The following RBFOX1 variants were observed in gnomAD, a reference collection of about 807,000 sequenced individuals.
The protein encoded by RBFOX1 is RNA binding protein fox-1 homolog 1.
In RBFOX1, 8 loss-of-function variants were observed where a neutral mutation model predicts 57.7. That is an observed-to-expected ratio of 0.14 (90% CI 0.08 to 0.25). The LOEUF is 0.25. Among genes scored for constraint, RBFOX1 ranks in the 10% least tolerant of loss-of-function variants. The pLI is 1.00. For synonymous variants in RBFOX1, 326 were observed against 222.4 expected, an observed-to-expected ratio of 1.47 and a Z score of -4.15; for missense variants, 611 against 548.5, an observed-to-expected ratio of 1.11 and a Z score of -1.14.
intron 1 of RBFOX1, among the ~76,000 whole-genome samples, chr16:5,412,798 C>T (rs1367477532): frequency 6.6e-6 from 1 of 152,274 alleles, no homozygotes; most frequent in African/African-American, 2.4e-5. Flanking sequence ...CACCTACACA[C>T]ATATCCACCA....
chr16:6,870,274 C>T (rs76985740), intron 3 of RBFOX1, among the ~76,000 whole-genome samples: 1 of 152,040 alleles, frequency 6.6e-6, no homozygotes, highest in African/African-American at 2.4e-5. Context: ...CCTTTGGTCG[C>T]TTGAAAAAAT....
intron 2 of RBFOX1, among the ~76,000 whole-genome samples, chr16:6,591,918 T>C (rs922034471): frequency 2.0e-5 from 3 of 152,230 alleles, no homozygotes; most frequent in African/African-American, 7.2e-5. Flanking sequence ...ATTTTATATT[T>C]GGAACTGGCT....
At chr16:6,846,545 G>C (rs936315606) in intron 3 of RBFOX1, among the ~76,000 whole-genome samples, 8 of 152,306 alleles carry the variant, frequency 5.3e-5, no homozygotes, top group African/African-American at 1.4e-4. Context: ...GGAATCAAGG[G>C]AGCTGTTCGG....
chr16:5,582,260 G>T (rs143890116), intron 2 of RBFOX1, among the ~76,000 whole-genome samples: 64 of 152,296 alleles, frequency 4.2e-4, no homozygotes, highest in African/African-American at 1.2e-3. Context: ...TCTGAGGCAT[G>T]ACTGGGGCTG....
intron 5 of RBFOX1, among the ~76,000 whole-genome samples, chr16:7,540,717 G>C (rs1365477554): frequency 6.6e-6 from 1 of 152,146 alleles, no homozygotes; most frequent in Non-Finnish European, 1.5e-5. Flanking sequence ...GAGAAATAAG[G>C]AGATCAATAA....
chr16:5,810,330 A>G (rs1297178644), intron 3 of RBFOX1, among the ~76,000 whole-genome samples: 9 of 151,638 alleles, frequency 5.9e-5, no homozygotes, highest in Non-Finnish European at 8.8e-5. Context: ...TATAATAATA[A>G]TTAAAAAAAG....
intron 1 of RBFOX1, among the ~76,000 whole-genome samples, chr16:5,347,520 C>T (rs11859068): frequency 0.022 from 3,326 of 152,180 alleles, 114 homozygotes; most frequent in African/African-American, 0.076. Flanking sequence ...CTTATTTCCA[C>T]CATACACTTG....
chr16:6,881,046 C>T (rs934087433), intron 3 of RBFOX1, among the ~76,000 whole-genome samples: 1 of 152,190 alleles, frequency 6.6e-6, no homozygotes, highest in Non-Finnish European at 1.5e-5. Flanking sequence ...CCTCCTATGC[C>T]TGTGGCAGAC....
At chr16:6,589,686 A>G (rs570417173) in intron 2 of RBFOX1, among the ~76,000 whole-genome samples, 1 of 152,228 alleles carries the variant, frequency 6.6e-6, no homozygotes, top group Non-Finnish European at 1.5e-5. Flanking sequence ...TAGTCCTGCA[A>G]AGGCAGTCTA....
intron 2 of RBFOX1, among the ~76,000 whole-genome samples, chr16:6,530,497 A>G (rs1207748369): frequency 1.3e-5 from 2 of 152,158 alleles, no homozygotes. Context: ...ACGATGCATA[A>G]CTATCACAGA....
intron 1 of RBFOX1, among the ~76,000 whole-genome samples, chr16:6,281,741 TG>T (rs1398935197): frequency 4.6e-5 from 7 of 152,162 alleles, no homozygotes; most frequent in Non-Finnish European, 1.0e-4. Context: ...TGCTGAGTGC[TG>T]TGGATAATGT....
At chr16:7,465,696 G>A (rs1036690303) in intron 4 of RBFOX1, among the ~76,000 whole-genome samples, 5 of 152,150 alleles carry the variant, frequency 3.3e-5, no homozygotes, top group Admixed American at 1.3e-4. Context: ...CTTTGCTTCT[G>A]GGTCAATAGG....
At chr16:5,275,699 C>G (rs8059124) in intron 1 of RBFOX1, among the ~76,000 whole-genome samples, 48,186 of 152,038 alleles carry the variant, frequency 0.32, 8,106 homozygotes, top group South Asian at 0.44. Context: ...CAAAATTCAT[C>G]TGGAAGTATA....
intron 3 of RBFOX1, among the ~76,000 whole-genome samples, chr16:6,931,754 C>A (rs2076598154): frequency 6.6e-6 from 1 of 152,040 alleles, no homozygotes; most frequent in Non-Finnish European, 1.5e-5. Context: ...TTGTTGTGAT[C>A]TGTTTCCTGT....
chr16:7,507,534 C>G (rs1027818859), intron 4 of RBFOX1, among the ~76,000 whole-genome samples: 1 of 150,796 alleles, frequency 6.6e-6, no homozygotes. Context: ...GGTGTGAAGG[C>G]CTTGGAACGT....
At chr16:5,972,781 A>G (rs756132234) in intron 4 of RBFOX1, among the ~76,000 whole-genome samples, 1 of 152,132 alleles carries the variant, frequency 6.6e-6, no homozygotes, top group Non-Finnish European at 1.5e-5. Context: ...AGAATCTCCT[A>G]TCTGTTTGCC....
At chr16:6,826,586 C>T (rs752534376) in intron 3 of RBFOX1, among the ~76,000 whole-genome samples, 4 of 152,134 alleles carry the variant, frequency 2.6e-5, no homozygotes, top group African/African-American at 4.8e-5. Flanking sequence ...GTGCTCTATT[C>T]CTCCTCTCTT....
chr16:7,424,103 A>T (rs903542488), intron 4 of RBFOX1, among the ~76,000 whole-genome samples: 1 of 152,186 alleles, frequency 6.6e-6, no homozygotes, highest in Non-Finnish European at 1.5e-5. Context: ...TTTTTTAAGC[A>T]TTCAGAGCTT....
intron 2 of RBFOX1, among the ~76,000 whole-genome samples, chr16:6,348,327 C>T (rs892226598): frequency 1.3e-5 from 2 of 152,142 alleles, no homozygotes; most frequent in African/African-American, 2.4e-5. Context: ...GTATAGATGA[C>T]ACCATATGCT....
Sources: allele counts gnomAD v4.1 joint callset (sites outside exome capture counted in the v4.1 genomes callset), GRCh38; gene constraint gnomAD v4.1.1; transcripts MANE v1.5; gene names NCBI Gene and HGNC (gene_info 2026-07-23, HGNC 2026-07-21).